Variants in MARCHF3 observed in about 807,000 individuals in gnomAD.
MARCHF3 encodes the protein E3 ubiquitin-protein ligase MARCHF3.
In MARCHF3, 13 loss-of-function variants were observed where a neutral mutation model predicts 24.2. That is an observed-to-expected ratio of 0.54 (90% CI 0.35 to 0.85). The LOEUF (loss-of-function observed/expected upper bound fraction) is 0.85, where lower values mean the gene tolerates loss of function less well. Among genes scored for constraint, MARCHF3 ranks in the 40% least tolerant of loss-of-function variants. The probability of loss-of-function intolerance (pLI) is 0.01; values close to 1 mark genes in which losing one functional copy is unlikely to be tolerated. For missense variants in MARCHF3, 276 were observed against 325.0 expected (o/e 0.85, Z 1.16); for synonymous variants, 144 against 137.3 (o/e 1.05, Z -0.34).
intron 1 of MARCHF3, among the ~76,000 whole-genome samples, chr5:126,922,933 T>C (rs995919489): frequency 1.3e-5 from 2 of 152,216 alleles, no homozygotes; most frequent in African/African-American, 2.4e-5. Flanking sequence ...AACTCTGACA[T>C]TGCCCATGCC....
intron 1 of MARCHF3, among the ~76,000 whole-genome samples, chr5:126,976,810 C>T (rs907986791): frequency 2.0e-5 from 3 of 152,230 alleles, no homozygotes; most frequent in Non-Finnish European, 4.4e-5. Flanking sequence ...CCCCATTGGG[C>T]CCTCCACCTG....
chr5:126,956,665 A>AAAAAC (rs1750456043), intron 1 of MARCHF3, among the ~76,000 whole-genome samples: 1 of 144,682 alleles, frequency 6.9e-6, no homozygotes, highest in African/African-American at 2.6e-5. Context: ...AAAAAAAAAA[A>AAAAAC]AAAAAACCAA....
chr5:126,899,091 T>G, intron 3 of MARCHF3: 2 of 985,338 alleles, frequency 2.0e-6, no homozygotes, highest in Non-Finnish European at 2.4e-6. Context: ...AATGATGGAT[T>G]GCAAAGAAAC....
rs909108949 is a variant in MARCHF3 at position 127,025,434 on chromosome 5, C to T, written c.-57+4916G>A. Among the ~76,000 whole-genome samples, 11 of 152,186 alleles carry T rather than the reference C, an allele frequency of 7.2e-5. 1 individual carries two copies. The highest frequency in any genetic ancestry group is 1.2e-4 in the Non-Finnish European group (8 of 68,014). Reference sequence around the variant, plus strand: ...AAACAGAATCAATGCCCCCAAGAAACCCCAAACCGTCTGCACCTCTATAAA... The same window carrying T: ...AAACAGAATCAATGCCCCCAAGAAATCCCAAACCGTCTGCACCTCTATAAA... On this transcript the variant is annotated intron_variant, in intron 1 of 4. Coordinates refer to ENST00000308660, the MANE Select transcript of MARCHF3 (RefSeq NM_178450.5).
At chr5:126,990,658 G>C (rs1366402657) in intron 1 of MARCHF3, among the ~76,000 whole-genome samples, 2 of 151,998 alleles carry the variant, frequency 1.3e-5, no homozygotes, top group African/African-American at 2.4e-5. Flanking sequence ...TCTGACAAAG[G>C]GCTAATATCC....
intron 1 of MARCHF3, among the ~76,000 whole-genome samples, chr5:126,925,261 T>A (rs1246810491): frequency 6.6e-6 from 1 of 152,204 alleles, no homozygotes; most frequent in Non-Finnish European, 1.5e-5. Context: ...TAAAGCAAGT[T>A]GGATCCGGGG....
In MARCHF3 at chr5:126,880,909, C is replaced by G. The variant is rs560285572; in HGVS notation, c.394-2515G>C. On this transcript the variant is annotated intron_variant, in intron 3 of 4. Transcript: ENST00000308660. ...GACCTCATTAGCTAAGACTTCCCTT[C>G]CTTTCTTTTGCTTGGGAATTCTGGA... 5.3e-5 allele frequency among the ~76,000 whole-genome samples: 8 copies of G among 152,244 alleles called. No homozygotes were observed. The South Asian group carries it at 1.7e-3, about 32-fold the overall frequency.
At chr5:126,890,901 C>A (rs1292917404) in intron 3 of MARCHF3, among the ~76,000 whole-genome samples, 9 of 148,364 alleles carry the variant, frequency 6.1e-5, no homozygotes, top group Non-Finnish European at 8.9e-5. Flanking sequence ...TACAGTCCCA[C>A]CAACAGTGTA....
intron 1 of MARCHF3, among the ~76,000 whole-genome samples, chr5:127,013,661 A>G (rs1454061985): frequency 6.6e-6 from 1 of 152,176 alleles, no homozygotes; most frequent in African/African-American, 2.4e-5. Flanking sequence ...GCATAACATA[A>G]ACACAATCTG....
intron 1 of MARCHF3, among the ~76,000 whole-genome samples, chr5:126,928,078 A>G (rs1433094883): frequency 6.6e-6 from 1 of 152,192 alleles, no homozygotes; most frequent in Non-Finnish European, 1.5e-5. Flanking sequence ...TCTTCTAAGT[A>G]CTTAATAAAT....
chr5:126,924,465 T>C (rs1324159574), intron 1 of MARCHF3, among the ~76,000 whole-genome samples: 1 of 152,224 alleles, frequency 6.6e-6, no homozygotes, highest in Non-Finnish European at 1.5e-5. Flanking sequence ...GTTAGATCTT[T>C]ACACTTTGAA....
intron 3 of MARCHF3, among the ~76,000 whole-genome samples, chr5:126,908,536 C>A (rs1202685228): frequency 6.6e-6 from 1 of 152,058 alleles, no homozygotes; most frequent in Non-Finnish European, 1.5e-5. Context: ...ATTCTTTTTT[C>A]TCTAAACTTC....
At chr5:127,004,846 C>T (rs959990676) in intron 1 of MARCHF3, among the ~76,000 whole-genome samples, 3 of 151,930 alleles carry the variant, frequency 2.0e-5, no homozygotes, top group African/African-American at 4.8e-5. Flanking sequence ...GCAGAGGGCA[C>T]GAAAGCAAGT....
In MARCHF3 at chr5:127,027,896, G is replaced by A. The variant is rs567319878; in HGVS notation, c.-57+2454C>T. ...ATCACTTGCGGGTGCCTGTGAAAATGCAGATTCCTAAGGTCCATCCCAGAC... is the reference window on the plus strand; with the variant it reads ...ATCACTTGCGGGTGCCTGTGAAAATACAGATTCCTAAGGTCCATCCCAGAC... On this transcript the variant is annotated intron_variant, in intron 1 of 4. Transcript: ENST00000308660. Among the ~76,000 whole-genome samples, 6 of 152,304 alleles carry A rather than the reference G, an allele frequency of 3.9e-5. No homozygotes were observed. The South Asian group carries it at 1.2e-3, about 32-fold the overall frequency.
chr5:127,022,909 G>A (rs774367491), intron 1 of MARCHF3, among the ~76,000 whole-genome samples: 2 of 152,146 alleles, frequency 1.3e-5, no homozygotes, highest in African/African-American at 2.4e-5. Flanking sequence ...AGAAAATAGG[G>A]GACCTTGATC....
At chr5:126,906,074 CAT>C (rs561323344) in intron 3 of MARCHF3, among the ~76,000 whole-genome samples, 282 of 150,696 alleles carry the variant, frequency 1.9e-3, no homozygotes, top group African/African-American at 6.4e-3. Flanking sequence ...TTGAGATAAT[CAT>C]GTGGTTTTTG....
chr5:126,936,005 C>T (rs78870501), intron 1 of MARCHF3, among the ~76,000 whole-genome samples: 3,081 of 152,222 alleles, frequency 0.02, 71 homozygotes, highest in South Asian at 0.11. Flanking sequence ...TAAGCAGATT[C>T]TCAGTTACCT....
At chr5:126,977,078 G>A (rs1189760127) in intron 1 of MARCHF3, among the ~76,000 whole-genome samples, 1 of 152,204 alleles carries the variant, frequency 6.6e-6, no homozygotes, top group Non-Finnish European at 1.5e-5. Flanking sequence ...AACATAATCA[G>A]CACGTACATG....
Position 126,870,538 on chromosome 5 carries a change from A to T in MARCHF3, c.*95T>A. ...TGGATGTTCTTAGACCCACAGGCTT[A>T]AGGAAGGGCTTGGGGGTCGCTCAGT... On this transcript the variant is annotated 3_prime_UTR_variant, in exon 5 of 5. Transcript: ENST00000308660. The T allele has an allele frequency of 1.7e-6, 2 of 1,168,046 alleles. No homozygotes were observed. Among genetic ancestry groups the T allele is most frequent in the Non-Finnish European group, 2.5e-6 (2 of 799,720 alleles). 72.4% of individuals were successfully genotyped at this position (1,168,046 alleles called of 1,614,324 possible).
Sources: allele counts gnomAD v4.1 joint callset (sites outside exome capture counted in the v4.1 genomes callset), GRCh38; gene constraint gnomAD v4.1.1; transcripts MANE v1.5; gene names NCBI Gene and HGNC (gene_info 2026-07-23, HGNC 2026-07-21).